IPO11: variants seen among roughly 807,000 people sequenced by gnomAD.
IPO11 encodes importin-11.
In IPO11, 66 loss-of-function variants were observed where a neutral mutation model predicts 143.2. The observed-to-expected ratio is 0.46, with a 90% CI of 0.38 to 0.57. The LOEUF (loss-of-function observed/expected upper bound fraction) is 0.57, where lower values mean the gene tolerates loss of function less well. IPO11 is among the 20% of genes least tolerant of loss of function. IPO11 has a pLI of 0.00. For synonymous variants in IPO11, 385 were observed against 377.8 expected (o/e 1.02, Z -0.22); for missense variants, 1,026 against 1,141.0 (o/e 0.90, Z 1.45).
intron 7 of IPO11, among the ~76,000 whole-genome samples, chr5:62,471,255 T>G (rs1281105098): frequency 6.6e-6 from 1 of 151,858 alleles, no homozygotes; most frequent in Non-Finnish European, 1.5e-5. Context: ...TGGGGGTTGC[T>G]CAGGAGTTGA....
intron 1 of IPO11, among the ~76,000 whole-genome samples, chr5:62,420,029 G>C (rs1419638525): frequency 3.3e-5 from 5 of 151,866 alleles, no homozygotes; most frequent in Admixed American, 3.3e-4. Context: ...GGTGGCTCAC[G>C]CCTGTAATCT....
chr5:62,444,072 C>T (rs1324283185), intron 3 of IPO11, among the ~76,000 whole-genome samples: 2 of 151,426 alleles, frequency 1.3e-5, no homozygotes, highest in African/African-American at 2.4e-5. Flanking sequence ...TACTATATTA[C>T]GGTTTAAAGC....
chr5:62,567,488 T>C (rs904810851), intron 27 of IPO11, among the ~76,000 whole-genome samples: 6 of 88,692 alleles, frequency 6.8e-5, no homozygotes, highest in African/African-American at 2.8e-4. Context: ...TTATTATTAT[T>C]ATTATTATTT....
intron 1 of IPO11, among the ~76,000 whole-genome samples, chr5:62,424,229 T>A (rs2112102130): frequency 6.6e-6 from 1 of 151,768 alleles, no homozygotes. Context: ...AAGCTCCGCC[T>A]CCCGGGTTCA....
chr5:62,494,012 G>T lies in IPO11; in HGVS notation c.1478G>T (p.Arg493Leu). 6.2e-7 allele frequency: 1 copy of T among 1,611,644 alleles called. No individual in the cohort carries two copies. The highest frequency in any genetic ancestry group is 1.1e-5 in the South Asian group (1 of 90,596). The change falls in exon 16 of 30, where the codon CGA (arginine) becomes CTA (leucine). Residue 493 changes from arginine to leucine, a missense_variant. By Grantham distance (102) the Arg-to-Leu change is moderately radical. Coordinates refer to ENST00000325324, the MANE Select transcript of IPO11 (RefSeq NM_016338.5). ...QVIHNRYKPL[R>L]RRVIWLIGQW... ...TTCCTGTTTAGGTATAAGCCATTGC[G>T]ACGCAGGGTGATTTGGCTCATCGGT...
intron 29 of IPO11, among the ~76,000 whole-genome samples, chr5:62,606,971 C>A (rs1745742279): frequency 6.6e-6 from 1 of 152,182 alleles, no homozygotes; most frequent in Non-Finnish European, 1.5e-5. Flanking sequence ...AAATCCTGAG[C>A]ATGGCTTTTG....
At chr5:62,572,308 A>G (rs943020369) in intron 27 of IPO11, among the ~76,000 whole-genome samples, 1 of 152,224 alleles carries the variant, frequency 6.6e-6, no homozygotes, top group Non-Finnish European at 1.5e-5. Flanking sequence ...AAGGGACAAC[A>G]TATCATTCTT....
chr5:62,616,879 G>C (rs574081041), intron 29 of IPO11, among the ~76,000 whole-genome samples: 50 of 152,220 alleles, frequency 3.3e-4, no homozygotes, highest in African/African-American at 1.2e-3. Flanking sequence ...ATCACATTTT[G>C]TCATTTCTAT....
intron 2 of IPO11, among the ~76,000 whole-genome samples, chr5:62,440,833 C>T (rs1744445089): frequency 6.6e-6 from 1 of 151,866 alleles, no homozygotes; most frequent in Non-Finnish European, 1.5e-5. Context: ...AGTGGTGGTG[C>T]ATGCCTGTAA....
intron 2 of IPO11, among the ~76,000 whole-genome samples, chr5:62,441,596 A>C (rs1024387840): frequency 1.5e-5 from 2 of 129,688 alleles, no homozygotes; most frequent in African/African-American, 6.0e-5. Flanking sequence ...GCTCACTGCA[A>C]CCTCCGCCTC....
At chr5:62,510,383 C>T (rs1423583324) in intron 19 of IPO11, among the ~76,000 whole-genome samples, 1 of 152,140 alleles carries the variant, frequency 6.6e-6, no homozygotes, top group Non-Finnish European at 1.5e-5. Flanking sequence ...TAATATTTTA[C>T]CACATTTGCT....
At chr5:62,620,693 T>G (rs1036816823) in intron 29 of IPO11, among the ~76,000 whole-genome samples, 9 of 152,144 alleles carry the variant, frequency 5.9e-5, no homozygotes, top group Non-Finnish European at 1.0e-4. Flanking sequence ...GACCAAAGTT[T>G]TATCATGCAG....
At chr5:62,580,332 G>A in intron 27 of IPO11, 1 of 1,539,606 alleles carries the variant, frequency 6.5e-7, no homozygotes, top group Non-Finnish European at 8.8e-7. Context: ...CATTCAGTTT[G>A]TTAAAGAATT....
rs554305253 is a variant in IPO11, at chr5:62,435,446, A to T, written c.-6-1828A>T. 3.3e-5 allele frequency among the ~76,000 whole-genome samples: 5 copies of T among 151,224 alleles called. No homozygotes were observed. The South Asian group carries it at 1.0e-3, about 32-fold the overall frequency. On this transcript the variant is annotated intron_variant, in intron 1 of 29. Transcript: ENST00000325324. The stretch of plus-strand genomic sequence containing the variant: ...TCTACAAAAAATAAAAAATAAAAAA[A>T]AATTAGCTGGGCCCGGTGGTGCATG...
Position 62,627,461 on chromosome 5 carries a change from A to C in IPO11, c.*143A>C, listed in dbSNP as rs1032526209. On this transcript the variant is annotated 3_prime_UTR_variant, in exon 30 of 30. Transcript: ENST00000325324. ...CACACATTTTTTACTACAAAATGTA[A>C]AGGATAAATGTAAATCCTGCATAAC... 10 of 741,308 alleles carry C rather than the reference A, an allele frequency of 1.3e-5. No homozygotes were observed. Among genetic ancestry groups the C allele is most frequent in the African/African-American group, 1.2e-4 (7 of 57,120 alleles). 45.9% of individuals were successfully genotyped at this position (741,308 alleles called of 1,614,324 possible). A position where few individuals can be genotyped will look rare whatever the true frequency, so the allele number is the denominator to read the frequency against.
intron 26 of IPO11, among the ~76,000 whole-genome samples, chr5:62,558,708 A>AT (rs1257250052): frequency 6.6e-6 from 1 of 152,176 alleles, no homozygotes; most frequent in South Asian, 2.1e-4. Flanking sequence ...TACTATCGGC[A>AT]TTTTTTCAAT....
At chr5:62,618,027 A>G (rs924584430) in intron 29 of IPO11, among the ~76,000 whole-genome samples, 16 of 152,148 alleles carry the variant, frequency 1.1e-4, no homozygotes, top group African/African-American at 3.9e-4. Context: ...TAATATCTAT[A>G]TATAAAAATT....
intron 19 of IPO11, 47 bp downstream of exon 19, chr5:62,506,404 A>T (rs749090017): frequency 1.1e-5 from 11 of 1,045,972 alleles, no homozygotes; most frequent in Non-Finnish European, 1.6e-5. Flanking sequence ...TGGGTAGAAT[A>T]GACGTAGAAT....
chr5:62,580,736 C>A, intron 27 of IPO11: 1 of 1,551,372 alleles, frequency 6.4e-7, no homozygotes, highest in African/African-American at 1.4e-5. Flanking sequence ...CTAATGATGG[C>A]CTGGCATAAA....
Sources: gnomAD v4.1 joint callset for allele counts (sites outside exome capture counted in the v4.1 genomes callset) on GRCh38, gnomAD v4.1.1 for gene constraint, MANE v1.5 for transcripts, NCBI Gene and HGNC (gene_info 2026-07-23, HGNC 2026-07-21) for gene names.